Variants in SIK3 observed in about 807,000 individuals in gnomAD.
SIK3 encodes SIK family kinase 3.
SIK3 carries 28 observed loss-of-function variants against 144.2 expected under a neutral mutation model. The ratio of observed to expected loss-of-function variants is 0.19; its 90% CI spans 0.14 to 0.27. SIK3 has a LOEUF of 0.27. Among genes scored for constraint, SIK3 ranks in the 10% least tolerant of loss-of-function variants. The pLI is 1.00. For missense variants in SIK3, 1,319 were observed against 1,776.0 expected (o/e 0.74, Z 4.62); for synonymous variants, 686 against 676.3 (o/e 1.01, Z -0.22).
chr11:116,881,635 C>T (rs1478647330), intron 6 of SIK3, among the ~76,000 whole-genome samples: 6 of 151,740 alleles, frequency 4.0e-5, no homozygotes, highest in Admixed American at 6.6e-5. Context: ...CTCCATAAGC[C>T]GTGTGGATTT....
At chr11:116,872,145 GTGCC>G (rs1479686261) in intron 13 of SIK3, among the ~76,000 whole-genome samples, 17 of 152,180 alleles carry the variant, frequency 1.1e-4, no homozygotes, top group African/African-American at 4.1e-4. Context: ...AGGGAATGTG[GTGCC>G]ACAGACACCA....
Position 116,857,687 on chromosome 11 carries a change from C to T in SIK3, c.3655+123G>A, listed in dbSNP as rs192599619. 9.9e-5 allele frequency: 143 copies of T among 1,441,784 alleles called. 1 individual carries two copies. In the East Asian group the frequency reaches 3.0e-3, roughly 30 times the overall value. The allele number at this position is 1,441,784 out of a possible 1,614,324, so 89.3% of individuals were successfully genotyped here. A position where few individuals can be genotyped will look rare whatever the true frequency, so the allele number is the denominator to read the frequency against. ...CCTACATGCTTCTCCCCAAGAAGGTCGTGAAGCTCAGAAATTCTTTTTTTC... is the reference window on the plus strand; with the variant it reads ...CCTACATGCTTCTCCCCAAGAAGGTTGTGAAGCTCAGAAATTCTTTTTTTC... On this transcript the variant is annotated intron_variant, in intron 21 of 24. Coordinates refer to ENST00000445177, the MANE Select transcript of SIK3 (RefSeq NM_001366686.3).
intron 1 of SIK3, among the ~76,000 whole-genome samples, chr11:117,069,175 AT>A (rs762417651): frequency 0.095 from 2,648 of 27,856 alleles, 23 homozygotes; most frequent in Non-Finnish European, 0.11. Flanking sequence ...AGTTGTTAAG[AT>A]TTTTTTTTGG....
chr11:117,024,957 T>C (rs1377785253), intron 1 of SIK3, among the ~76,000 whole-genome samples: 1 of 152,060 alleles, frequency 6.6e-6, no homozygotes, highest in East Asian at 1.9e-4. Flanking sequence ...AGCTATGGAA[T>C]TCTACCCCAT....
At chr11:117,007,974 G>T (rs1184700925) in intron 1 of SIK3, among the ~76,000 whole-genome samples, 1 of 150,758 alleles carries the variant, frequency 6.6e-6, no homozygotes, top group Non-Finnish European at 1.5e-5. Flanking sequence ...TACTCAGGAG[G>T]CTGAGGCAGG....
intron 1 of SIK3, among the ~76,000 whole-genome samples, chr11:117,059,159 A>G (rs2135947543): frequency 6.6e-6 from 1 of 152,360 alleles, no homozygotes; most frequent in Middle Eastern, 3.4e-3. Flanking sequence ...GTTTGGCCAC[A>G]GAAATAAATT....
chr11:116,937,802 T>A (rs182044737), intron 3 of SIK3, among the ~76,000 whole-genome samples: 1 of 152,342 alleles, frequency 6.6e-6, no homozygotes, highest in East Asian at 1.9e-4. Flanking sequence ...CCATTAAAAA[T>A]ATATATTTCA....
At chr11:116,911,136 A>G (rs986137900) in intron 4 of SIK3, among the ~76,000 whole-genome samples, 4 of 152,102 alleles carry the variant, frequency 2.6e-5, no homozygotes, top group Non-Finnish European at 4.4e-5. Flanking sequence ...CCTGTCTTTT[A>G]AAACAAAACA....
intron 1 of SIK3, among the ~76,000 whole-genome samples, chr11:117,049,430 T>A (rs1486441825): frequency 6.6e-6 from 1 of 150,636 alleles, no homozygotes; most frequent in Non-Finnish European, 1.5e-5. Flanking sequence ...ATACAAAAAT[T>A]ACCCAAGCAT....
intron 1 of SIK3, among the ~76,000 whole-genome samples, chr11:116,969,905 T>C (rs1298084139): frequency 6.6e-6 from 1 of 152,190 alleles, no homozygotes; most frequent in Non-Finnish European, 1.5e-5. Context: ...GCTGTATCTC[T>C]AAGATATGTT....
intron 1 of SIK3, among the ~76,000 whole-genome samples, chr11:116,982,943 CA>C (rs35698580): frequency 0.038 from 2,613 of 69,648 alleles, 20 homozygotes; most frequent in South Asian, 0.096. Flanking sequence ...GACTCCGTCT[CA>C]AAAAAAAAAA....
In SIK3 at chr11:116,896,332, T is replaced by C. The variant is rs199726947; in HGVS notation, c.786A>G (p.Pro262=). ...GATTCTGCAGTGTGCTTCCATCAAA[T>C]GGCAGGGCACCGCACACAAGCACGT... is the stretch of plus-strand genomic sequence containing the variant. The part of the protein sequence containing the change: ...VLYVLVCGAL[P]FDGSTLQNLR... Residue 262 remains proline (P), a synonymous_variant, in exon 6 of 25, where the codon CCA becomes CCG. Transcript: ENST00000445177. 63 of 1,613,908 alleles carry C rather than the reference T, an allele frequency of 3.9e-5. No homozygotes were observed. The highest frequency in any genetic ancestry group is 5.0e-5 in the Non-Finnish European group (59 of 1,179,932).
chr11:116,846,573 G>C lies in SIK3; in HGVS notation c.3953-20C>G. On this transcript the variant is annotated intron_variant, in intron 23 of 24. Transcript: ENST00000445177. This position sits in a 1 kb window ranked among gnomAD's most constrained non-coding sequence, Gnocchi z 4.1. Reference sequence around the variant, plus strand: ...CACATTCTGCAAGACCAAAAAGAACGTATGAGGTTGGCAGGGAACTGGGGG... The same window carrying C: ...CACATTCTGCAAGACCAAAAAGAACCTATGAGGTTGGCAGGGAACTGGGGG... 4.3e-6 allele frequency: 7 copies of C among 1,613,924 alleles called. No individual in the cohort carries two copies. The highest frequency in any genetic ancestry group is 1.1e-5 in the South Asian group (1 of 91,070).
intron 3 of SIK3, among the ~76,000 whole-genome samples, chr11:116,943,218 G>C (rs1035778408): frequency 1.3e-5 from 2 of 151,934 alleles, no homozygotes; most frequent in Admixed American, 1.3e-4. Context: ...CTATAGGAGA[G>C]GTATGTTCAA....
In SIK3 at chr11:116,858,316, T is replaced by G; in HGVS notation, c.3149A>C (p.Gln1050Pro). 6.2e-7 allele frequency: 1 copy of G among 1,613,378 alleles called. No individual in the cohort carries two copies. Among genetic ancestry groups the G allele is most frequent in the South Asian group, 1.1e-5 (1 of 91,008 alleles). Reference sequence around the variant, plus strand: ...CTGCTGTTGCTGCTGCTGCTGCCGTTGTTGCTGCTGCCTTTTAATGAGCTG... The same window carrying G: ...CTGCTGTTGCTGCTGCTGCTGCCGTGGTTGCTGCTGCCTTTTAATGAGCTG... ...FAQLIKRQQQ[Q>P]RQQQQQQQQQ... The change falls in exon 21 of 25, where the codon CAA becomes CCA. Residue 1050 changes from glutamine (Q) to proline (P), a missense_variant. Physicochemically the swap from Gln to Pro is moderately conservative, Grantham distance 76 (BLOSUM62 -1). This residue lies in a region of SIK3 where 646 missense variants were observed against 763.7 expected (regional missense o/e 0.85). Transcript: ENST00000445177. The surrounding 1 kb of genome is among the most constrained non-coding windows in gnomAD (Gnocchi z 5.4).
intron 1 of SIK3, among the ~76,000 whole-genome samples, chr11:116,997,941 C>G (rs1369236822): frequency 6.6e-6 from 1 of 152,100 alleles, no homozygotes; most frequent in Non-Finnish European, 1.5e-5. Context: ...CTCATTGCAG[C>G]TTTAAATTCC....
intron 1 of SIK3, among the ~76,000 whole-genome samples, chr11:117,034,064 G>GA (rs1952386101): frequency 1.3e-5 from 2 of 151,674 alleles, no homozygotes; most frequent in Admixed American, 1.3e-4. Flanking sequence ...TTCTGGGGGA[G>GA]AAAAAAACAG....
intron 1 of SIK3, among the ~76,000 whole-genome samples, chr11:117,046,303 G>A (rs568693744): frequency 4.2e-4 from 64 of 152,144 alleles, no homozygotes; most frequent in Non-Finnish European, 1.8e-4. Context: ...CTATGCCCCT[G>A]CTTCACCATT....
At chr11:117,045,175 A>T (rs1952904896) in intron 1 of SIK3, among the ~76,000 whole-genome samples, 1 of 152,178 alleles carries the variant, frequency 6.6e-6, no homozygotes, top group Non-Finnish European at 1.5e-5. Context: ...TTTAGAGAGG[A>T]TTTGTCAATA....
Sources: allele counts gnomAD v4.1 joint callset (sites outside exome capture counted in the v4.1 genomes callset), GRCh38; gene constraint gnomAD v4.1.1; regional missense constraint gnomAD v4.1.1; non-coding constraint Gnocchi (gnomAD v3.1); transcripts MANE v1.5; gene names NCBI Gene and HGNC (gene_info 2026-07-23, HGNC 2026-07-21).